SIDT1: variants seen among roughly 807,000 people sequenced by gnomAD.
SIDT1 encodes the protein SID1 transmembrane family member 1, also known as SID1 transmembrane family, member 1.
SIDT1 carries 101 observed loss-of-function variants against 107.5 expected under a neutral mutation model. That is an observed-to-expected ratio of 0.94 (90% CI 0.80 to 1.11). The LOEUF is 1.11. Ranked by LOEUF, SIDT1 falls within the 50% of genes least tolerant of loss-of-function variation. The probability of loss-of-function intolerance (pLI) is 0.00; values close to 1 mark genes in which losing one functional copy is unlikely to be tolerated. For synonymous variants in SIDT1, 395 were observed against 398.2 expected, an observed-to-expected ratio of 0.99 and a Z score of 0.10; for missense variants, 1,076 against 1,058.2, an observed-to-expected ratio of 1.02 and a Z score of -0.23.
intron 1 of SIDT1, among the ~76,000 whole-genome samples, chr3:113,545,046 C>T (rs1001996093): frequency 7.4e-6 from 1 of 134,810 alleles, no homozygotes; most frequent in Non-Finnish European, 1.5e-5. Context: ...ACCCAGGAGG[C>T]GGAGTTTGCA....
intron 4 of SIDT1, 67 bp downstream of exon 4, chr3:113,577,034 C>T: frequency 6.9e-7 from 1 of 1,450,394 alleles, no homozygotes; most frequent in Non-Finnish European, 9.7e-7. Flanking sequence ...GTTAGTGAAA[C>T]CATGTTACCC....
intron 1 of SIDT1, among the ~76,000 whole-genome samples, chr3:113,534,080 A>G (rs1274450581): frequency 3.1e-4 from 47 of 152,094 alleles, no homozygotes; most frequent in Admixed American, 3.0e-3. Context: ...GGAGACAGAG[A>G]GAGAAAGAGA....
At chr3:113,580,452 G>A (rs924494470) in intron 4 of SIDT1, among the ~76,000 whole-genome samples, 156 bp from the exon 5 acceptor site, 11 of 152,170 alleles carry the variant, frequency 7.2e-5, no homozygotes, top group African/African-American at 1.2e-4. Flanking sequence ...AGAGCCCTGC[G>A]CAGATTTAGT....
chr3:113,567,569 T>C lies in SIDT1; in HGVS notation c.374T>C (p.Val125Ala), dbSNP rs769797019. 2.7e-5 allele frequency: 44 copies of C among 1,613,656 alleles called. No homozygotes were observed. The Middle Eastern group carries it at 5.0e-4, about 18-fold the overall frequency. Residue 125 changes from valine to alanine, a missense_variant, in exon 3 of 25, where the codon GTG (valine) becomes GCG (alanine). By Grantham distance (64) the Val-to-Ala change is moderately conservative. Coordinates refer to ENST00000264852, the MANE Select transcript of SIDT1 (RefSeq NM_017699.3). Reference sequence around the variant, plus strand: ...CAGAGGAGCTACAACTATCAAGAAGTGAGCCGCACCTTATGTCCCTCAGAA... The same window carrying C: ...CAGAGGAGCTACAACTATCAAGAAGCGAGCCGCACCTTATGTCCCTCAGAA... ...LYQRSYNYQE[V>A]SRTLCPSEAT...
At chr3:113,623,297 G>T in intron 21 of SIDT1, 130 bp from the exon 22 acceptor site, 12 of 392,700 alleles carry the variant, frequency 3.1e-5, no homozygotes, top group Admixed American at 4.6e-5. Context: ...AAAATAAAAT[G>T]AACTAAAAAT....
chr3:113,603,201 T>C (rs1348085047), intron 12 of SIDT1, 51 bp downstream of exon 12: 6 of 1,550,874 alleles, frequency 3.9e-6, no homozygotes, highest in Non-Finnish European at 5.3e-6. Flanking sequence ...AGTTTGGCAG[T>C]AGAATAAACT....
rs551705818 is a variant in SIDT1, at chr3:113,600,664, G to T, written c.1046-924G>T. Reference sequence around the variant, plus strand: ...TTCTGTTCTAAGTCAAAAAGAGTCAGGCAAATTGCACACAACATCTTCACA... The same window carrying T: ...TTCTGTTCTAAGTCAAAAAGAGTCATGCAAATTGCACACAACATCTTCACA... On this transcript the variant is annotated intron_variant, in intron 10 of 24. Coordinates refer to ENST00000264852, the MANE Select transcript of SIDT1 (RefSeq NM_017699.3). Among the ~76,000 whole-genome samples the T allele has an allele frequency of 5.1e-4, 78 of 152,320 alleles. 1 individual carries two copies. The South Asian group carries it at 0.016, about 31-fold the overall frequency.
chr3:113,612,121 C>T lies in SIDT1; in HGVS notation c.1893C>T (p.Ile631=), dbSNP rs1415273467. ...AAAATGACGTATGGTTCTGGGTCAT[C>T]TTCTCTGCAATCCACGTTCTGGCCT... is the stretch of plus-strand genomic sequence containing the variant. ...FGKNDVWFWV[I]FSAIHVLASL... is the part of the protein sequence containing the mutation. The change falls in exon 19 of 25, where the codon ATC becomes ATT. Residue 631 remains isoleucine (I), a synonymous_variant. Transcript: ENST00000264852. The T allele has an allele frequency of 1.9e-6, 3 of 1,614,140 alleles. No individual in the cohort carries two copies. The East Asian group carries it at 6.7e-5, about 36-fold the overall frequency.
the SIDT1 span, among the ~76,000 whole-genome samples, chr3:113,635,951 T>A: frequency 4.0e-5 from 6 of 151,874 alleles, no homozygotes; most frequent in Admixed American, 2.6e-4. Flanking sequence ...GAAAATCATA[T>A]TTCCTCATTT....
intron 1 of SIDT1, among the ~76,000 whole-genome samples, chr3:113,534,578 C>A (rs746087153): frequency 6.6e-6 from 1 of 152,180 alleles, no homozygotes. Flanking sequence ...ACGCCATATA[C>A]CCAGCCTCTT....
chr3:113,577,284 G>A (rs2048624), intron 4 of SIDT1, among the ~76,000 whole-genome samples: 44,264 of 152,066 alleles, frequency 0.29, 7,207 homozygotes, highest in East Asian at 0.59. Flanking sequence ...GGTGCTGGAG[G>A]CACAAAGGTT....
At chr3:113,575,892 T>G (rs1942859507) in intron 3 of SIDT1, among the ~76,000 whole-genome samples, 1 of 152,192 alleles carries the variant, frequency 6.6e-6, no homozygotes. Context: ...CAAGTTCAGA[T>G]GCCCAGAAAT....
At chr3:113,587,170 GA>G (rs980279502) in intron 9 of SIDT1, among the ~76,000 whole-genome samples, 1 of 151,344 alleles carries the variant, frequency 6.6e-6, no homozygotes, top group Non-Finnish European at 1.5e-5. Flanking sequence ...AATGGTCCAG[GA>G]AAAAAAAGTG....
chr3:113,537,771 T>G (rs1390846634), intron 1 of SIDT1, among the ~76,000 whole-genome samples: 1 of 152,220 alleles, frequency 6.6e-6, no homozygotes, highest in African/African-American at 2.4e-5. Context: ...GAATAGTCTT[T>G]CACGTGTCCT....
chr3:113,598,099 T>C (rs1944703952), intron 10 of SIDT1, among the ~76,000 whole-genome samples: 2 of 152,248 alleles, frequency 1.3e-5, no homozygotes, highest in African/African-American at 4.8e-5. Flanking sequence ...GCAATGGTAT[T>C]GCACATGAAA....
intron 3 of SIDT1, 140 bp from the exon 4 acceptor site, chr3:113,576,782 C>A: frequency 1.2e-6 from 1 of 830,840 alleles, no homozygotes; most frequent in Non-Finnish European, 2.0e-6. Flanking sequence ...TTTCACGGAA[C>A]CGGAACTCCC....
Position 113,595,934 on chromosome 3 carries a change from C to G in SIDT1, c.1045+2886C>G, listed in dbSNP as rs180733651. Reference sequence around the variant, plus strand: ...CATCTCAAACAGAGCATAGAGAAATCAACCAGGAGCAAGAGACAGAGGCAA... The same window carrying G: ...CATCTCAAACAGAGCATAGAGAAATGAACCAGGAGCAAGAGACAGAGGCAA... On this transcript the variant is annotated intron_variant, in intron 10 of 24. Transcript: ENST00000264852. Among the ~76,000 whole-genome samples, 532 of 152,248 alleles carry G rather than the reference C, an allele frequency of 3.5e-3. 16 individuals carry two copies. The highest frequency in any genetic ancestry group is 0.027 in the Admixed American group (416 of 15,284).
In SIDT1 at chr3:113,607,044, G is replaced by T; in HGVS notation, c.1408G>T (p.Val470Leu). ...IQLVITYQTV[V>L]NVTGNQDICY... ...CTTCTCACTCTTGATTTTACAGGTG[G>T]TAAATGTCACTGGCAACCAGGACAT... Residue 470 changes from valine to leucine, a missense_variant, in exon 15 of 25, where the codon GTA becomes TTA. Physicochemically the swap from Val to Leu is conservative, Grantham distance 32. Coordinates refer to ENST00000264852, the MANE Select transcript of SIDT1 (RefSeq NM_017699.3). 1 of 1,606,878 alleles carries T rather than the reference G, an allele frequency of 6.2e-7. No homozygotes were observed. Among genetic ancestry groups the T allele is most frequent in the Non-Finnish European group, 8.5e-7 (1 of 1,173,368 alleles).
chr3:113,614,480 C>T (rs950212314), intron 19 of SIDT1, among the ~76,000 whole-genome samples: 2 of 152,180 alleles, frequency 1.3e-5, no homozygotes, highest in African/African-American at 4.8e-5. Context: ...TCTATTTCGT[C>T]GTTGACAATG....
Sources: gnomAD v4.1 joint callset for allele counts (sites outside exome capture counted in the v4.1 genomes callset) on GRCh38, gnomAD v4.1.1 for gene constraint, MANE v1.5 for transcripts, NCBI Gene and HGNC (gene_info 2026-07-23, HGNC 2026-07-21) for gene names.